The following EEA1 variants were observed in gnomAD, a reference collection of about 807,000 sequenced individuals.
EEA1 encodes the protein early endosome antigen 1, also known as early endosome antigen 1, 162kD.
Under a neutral mutation model 209.2 loss-of-function variants are expected in EEA1, and 111 were observed. The ratio of observed to expected loss-of-function variants is 0.53; its 90% CI spans 0.45 to 0.62. The LOEUF (loss-of-function observed/expected upper bound fraction) is 0.62, where lower values mean the gene tolerates loss of function less well. EEA1 is among the 20% of genes least tolerant of loss of function. The probability of loss-of-function intolerance (pLI) is 0.00; values close to 1 mark genes in which losing one functional copy is unlikely to be tolerated. For missense variants in EEA1, 1,343 were observed against 1,530.8 expected (o/e 0.88, Z 2.05); for synonymous variants, 536 against 540.6 (o/e 0.99, Z 0.12).
At chr12:92,830,117 A>G (rs372407518) in intron 11 of EEA1, among the ~76,000 whole-genome samples, 1 of 152,082 alleles carries the variant, frequency 6.6e-6, no homozygotes, top group African/African-American at 2.4e-5. Flanking sequence ...CAACACATAC[A>G]TGCAAGAAAT....
chr12:92,790,105 T>C (rs955790332), intron 21 of EEA1, among the ~76,000 whole-genome samples: 1 of 152,162 alleles, frequency 6.6e-6, no homozygotes, highest in Non-Finnish European at 1.5e-5. Context: ...AAAGGTCATC[T>C]ACACCAAAAC....
chr12:92,829,310 A>G (rs1220374255), intron 11 of EEA1, among the ~76,000 whole-genome samples: 1 of 152,150 alleles, frequency 6.6e-6, no homozygotes, highest in African/African-American at 2.4e-5. Context: ...CCATCTCAAA[A>G]GAAAAGAAAA....
intron 11 of EEA1, among the ~76,000 whole-genome samples, chr12:92,832,155 T>C (rs1213117161): frequency 6.6e-6 from 1 of 152,062 alleles, no homozygotes; most frequent in Admixed American, 6.6e-5. Flanking sequence ...ATGATGCTTT[T>C]AAAATTTAGT....
At chr12:92,875,722 TAA>T (rs977604885) in intron 2 of EEA1, among the ~76,000 whole-genome samples, 19 of 152,178 alleles carry the variant, frequency 1.2e-4, no homozygotes, top group African/African-American at 4.3e-4. Context: ...AGTTAAAAAC[TAA>T]AGTCTGTATA....
intron 2 of EEA1, among the ~76,000 whole-genome samples, chr12:92,890,574 A>C (rs1276196551): frequency 6.6e-6 from 1 of 152,148 alleles, no homozygotes; most frequent in East Asian, 1.9e-4. Context: ...ACTGCTCAAT[A>C]CCAATACCCA....
chr12:92,928,005 C>T (rs1023429625), intron 1 of EEA1, among the ~76,000 whole-genome samples: 1 of 152,234 alleles, frequency 6.6e-6, no homozygotes, highest in African/African-American at 2.4e-5. Context: ...TCCGCACATT[C>T]CTCGGCTGAA....
At chr12:92,919,081 A>C (rs1163867742) in intron 1 of EEA1, among the ~76,000 whole-genome samples, 2 of 148,364 alleles carry the variant, frequency 1.3e-5, no homozygotes, top group South Asian at 2.2e-4. Context: ...CAATAACAGG[A>C]TCTGAAATTG....
intron 2 of EEA1, among the ~76,000 whole-genome samples, chr12:92,865,410 G>C (rs1395034144): frequency 6.6e-6 from 1 of 151,652 alleles, no homozygotes; most frequent in Non-Finnish European, 1.5e-5. Flanking sequence ...ACCACTGAGG[G>C]GGAAAAAAAG....
intron 10 of EEA1, among the ~76,000 whole-genome samples, chr12:92,834,079 C>CA (rs1365991917): frequency 6.6e-6 from 1 of 152,056 alleles, no homozygotes; most frequent in Non-Finnish European, 1.5e-5. Context: ...GGGGTGACAG[C>CA]AAAACCCTAT....
chr12:92,778,031 T>A lies in EEA1; in HGVS notation c.3803A>T (p.Glu1268Val). 1 of 1,613,608 alleles carries A rather than the reference T, an allele frequency of 6.2e-7. No individual in the cohort carries two copies. Among genetic ancestry groups the A allele is most frequent in the Non-Finnish European group, 8.5e-7 (1 of 1,179,622 alleles). Residue 1268 changes from glutamate (E) to valine (V), a missense_variant, in exon 26 of 29, where the codon GAG (glutamate) becomes GTG (valine). Around this residue, in one of 3 missense-constraint regions of EEA1, gnomAD observed 1,307 missense variants for 1,465.5 expected, o/e 0.89. Transcript: ENST00000322349. ...ACCCCGTAAGTCATCCGTTTGTTTC[T>A]CAAGCTCACTAACTCTCCGTTGACT... The part of the protein sequence containing the change: ...QSSQRRVSEL[E>V]KQTDDLRGEI...
chr12:92,888,221 G>C (rs537788382), intron 2 of EEA1, among the ~76,000 whole-genome samples: 1 of 152,284 alleles, frequency 6.6e-6, no homozygotes, highest in East Asian at 1.9e-4. Flanking sequence ...TAACATTTTA[G>C]ACTGAAACTG....
chr12:92,886,233 G>A (rs1041322009), intron 2 of EEA1, among the ~76,000 whole-genome samples: 1 of 149,318 alleles, frequency 6.7e-6, no homozygotes, highest in Non-Finnish European at 1.5e-5. Flanking sequence ...TGGACATGGT[G>A]GCACATGCCT....
In EEA1 at chr12:92,798,986, T is replaced by G; in HGVS notation, c.2873A>C (p.Gln958Pro). ...TTGCTTTAGCTCATTTATGTTCCCC[T>G]GAAGTTGTTGCTCTTCTTTTTCATT... ...KQNEKEEQQLQGNINELKQSS... is the reference protein window; with the variant it reads ...KQNEKEEQQLPGNINELKQSS... The change falls in exon 21 of 29, where the codon CAG becomes CCG. Residue 958 changes from glutamine (Q) to proline (P), a missense_variant. Around this residue, in one of 3 missense-constraint regions of EEA1, gnomAD observed 1,307 missense variants for 1,465.5 expected, o/e 0.89. Transcript: ENST00000322349. 6.2e-7 allele frequency: 1 copy of G among 1,613,468 alleles called. No homozygotes were observed. The highest frequency in any genetic ancestry group is 1.1e-5 in the South Asian group (1 of 91,030).
chr12:92,805,089 C>A (rs539959349), intron 18 of EEA1, among the ~76,000 whole-genome samples: 1 of 152,210 alleles, frequency 6.6e-6, no homozygotes, highest in Non-Finnish European at 1.5e-5. Flanking sequence ...CAGAAAGAAC[C>A]ATTGGGCCTG....
At chr12:92,878,349 G>T (rs1879002624) in intron 2 of EEA1, among the ~76,000 whole-genome samples, 1 of 152,172 alleles carries the variant, frequency 6.6e-6, no homozygotes, top group Non-Finnish European at 1.5e-5. Flanking sequence ...AAATGAATAG[G>T]ACTTATCATG....
intron 13 of EEA1, among the ~76,000 whole-genome samples, chr12:92,823,934 A>G (rs1423384141): frequency 6.6e-6 from 1 of 152,106 alleles, no homozygotes; most frequent in Admixed American, 6.5e-5. Flanking sequence ...TACTATTGAC[A>G]TTTCTTCCTT....
chr12:92,828,673 A>C (rs924287448), intron 11 of EEA1, among the ~76,000 whole-genome samples: 2 of 151,564 alleles, frequency 1.3e-5, no homozygotes, highest in African/African-American at 4.8e-5. Context: ...ATGCCACCCA[A>C]TTAAAACTAA....
chr12:92,891,898 T>C (rs185270144), intron 1 of EEA1, among the ~76,000 whole-genome samples, 177 bp from the exon 2 acceptor site: 10 of 152,346 alleles, frequency 6.6e-5, no homozygotes, highest in African/African-American at 2.2e-4. Context: ...AAAATCTCTA[T>C]ATATGCATTT....
intron 1 of EEA1, among the ~76,000 whole-genome samples, chr12:92,898,759 T>TA (rs1491096588): frequency 2.0e-5 from 2 of 101,504 alleles, no homozygotes; most frequent in Non-Finnish European, 4.1e-5. Context: ...TTTTTTTTTT[T>TA]AGAGACAGGG....
Sources: allele counts gnomAD v4.1 joint callset (sites outside exome capture counted in the v4.1 genomes callset), GRCh38; gene constraint gnomAD v4.1.1; regional missense constraint gnomAD v4.1.1; transcripts MANE v1.5; gene names NCBI Gene and HGNC (gene_info 2026-07-23, HGNC 2026-07-21).